The following FSIP1 variants were observed in gnomAD, a reference collection of about 807,000 sequenced individuals.
FSIP1 encodes fibrous sheath interacting protein 1, also known as fibrous sheath-interacting protein 1.
In FSIP1, 65 loss-of-function variants were observed where a neutral mutation model predicts 60.9. That is an observed-to-expected ratio of 1.07 (90% CI 0.87 to 1.31). The LOEUF (loss-of-function observed/expected upper bound fraction) is 1.31, where lower values mean the gene tolerates loss of function less well. FSIP1 is among the 40% of genes most tolerant of loss of function. The probability of loss-of-function intolerance (pLI) is 0.00; values close to 1 mark genes in which losing one functional copy is unlikely to be tolerated. For missense variants in FSIP1, 675 were observed against 665.5 expected, an observed-to-expected ratio of 1.01 and a Z score of -0.16; for synonymous variants, 209 against 221.2, an observed-to-expected ratio of 0.94 and a Z score of 0.49.
At chr15:39,661,851 C>T (rs1893308699) in intron 10 of FSIP1, among the ~76,000 whole-genome samples, 1 of 152,194 alleles carries the variant, frequency 6.6e-6, no homozygotes, top group African/African-American at 2.4e-5. Flanking sequence ...ATGGTTTTAA[C>T]ATTACTTGAG....
At chr15:39,697,331 T>C (rs563504473) in intron 10 of FSIP1, among the ~76,000 whole-genome samples, 1 of 152,294 alleles carries the variant, frequency 6.6e-6, no homozygotes, top group East Asian at 1.9e-4. Context: ...TACTTCCCAG[T>C]GGGAAGCGCC....
At chr15:39,680,178 A>G (rs1894104360) in intron 10 of FSIP1, among the ~76,000 whole-genome samples, 1 of 151,504 alleles carries the variant, frequency 6.6e-6, no homozygotes, top group South Asian at 2.1e-4. Context: ...AATGTAAGAA[A>G]AAAAATTCTA....
In FSIP1 at chr15:39,751,392, A is replaced by T. The variant is rs1168556390; in HGVS notation, c.560-9492T>A. ...CAAACCAAGTGTCCATTGGCAGATG[A>T]ATGGATAAAGCAACTGTAATACATA... On this transcript the variant is annotated intron_variant, in intron 5 of 11. Coordinates refer to ENST00000350221, the MANE Select transcript of FSIP1 (RefSeq NM_152597.5). 6.7e-5 allele frequency among the ~76,000 whole-genome samples: 10 copies of T among 148,438 alleles called. 1 individual carries two copies. The Admixed American group carries it at 6.8e-4, about 10-fold the overall frequency.
At chr15:39,726,305 C>T (rs902356696) in intron 9 of FSIP1, among the ~76,000 whole-genome samples, 2 of 152,108 alleles carry the variant, frequency 1.3e-5, no homozygotes, top group Admixed American at 1.3e-4. Flanking sequence ...TCGTGAGTGC[C>T]ATATCCGCTT....
chr15:39,722,438 A>G (rs1420421231), intron 9 of FSIP1, among the ~76,000 whole-genome samples: 1 of 152,180 alleles, frequency 6.6e-6, no homozygotes, highest in Admixed American at 6.5e-5. Flanking sequence ...GTCTTCCACA[A>G]ACCCAGTCCC....
intron 10 of FSIP1, among the ~76,000 whole-genome samples, chr15:39,693,943 A>C (rs4924380): frequency 0.38 from 58,079 of 150,896 alleles, 11,441 homozygotes; most frequent in Admixed American, 0.46. Context: ...TTCTCATCAC[A>C]AAAAAAAATG....
At chr15:39,772,538 A>T (rs541775732) in intron 2 of FSIP1, among the ~76,000 whole-genome samples, 8 of 150,130 alleles carry the variant, frequency 5.3e-5, no homozygotes, top group Non-Finnish European at 1.2e-4. Context: ...CAAGCAACCC[A>T]CCCTCCTTGG....
rs1403331597 is a variant in FSIP1, at chr15:39,659,626, TTAAA to T, written c.1189-41385_1189-41382del. Among the ~76,000 whole-genome samples, 1,329 of 133,780 alleles carry T rather than the reference TTAAA, an allele frequency of 9.9e-3. 31 individuals carry two copies. Among genetic ancestry groups the T allele is most frequent in the African/African-American group, 0.036 (1,280 of 36,008 alleles). 87.8% of individuals were successfully genotyped at this position (133,780 alleles called of 152,430 possible). ...ATTATATCTCAATAAAGCTGTTATT[TTAAA>T]AAAAAAAAAAAAAAGCAATGGCTTT... is the stretch of plus-strand genomic sequence containing the variant. On this transcript the variant is annotated intron_variant, in intron 10 of 11. Coordinates refer to ENST00000350221, the MANE Select transcript of FSIP1 (RefSeq NM_152597.5).
chr15:39,613,191 C>A (rs1208853306), intron 11 of FSIP1, among the ~76,000 whole-genome samples: 1 of 152,036 alleles, frequency 6.6e-6, no homozygotes, highest in Non-Finnish European at 1.5e-5. Context: ...AAAGCAATAA[C>A]AAATACTTTT....
At chr15:39,642,415 G>C (rs1892409007) in intron 10 of FSIP1, among the ~76,000 whole-genome samples, 1 of 152,158 alleles carries the variant, frequency 6.6e-6, no homozygotes, top group African/African-American at 2.4e-5. Flanking sequence ...TACATGAGTG[G>C]CTGTCTCCAG....
chr15:39,723,148 T>C (rs761759903), intron 9 of FSIP1, among the ~76,000 whole-genome samples: 1 of 152,208 alleles, frequency 6.6e-6, no homozygotes, highest in African/African-American at 2.4e-5. Flanking sequence ...TATTATTTTA[T>C]AAATAAGGAA....
At chr15:39,705,927 G>A (rs1347392392) in intron 10 of FSIP1, among the ~76,000 whole-genome samples, 1 of 150,692 alleles carries the variant, frequency 6.6e-6, no homozygotes, top group Non-Finnish European at 1.5e-5. Flanking sequence ...GAACCTGGGA[G>A]GCAGAGGTTG....
chr15:39,600,217 CTG>C lies in FSIP1; in HGVS notation c.*661_*662del, dbSNP rs1890591353. On this transcript the variant is annotated 3_prime_UTR_variant, in exon 12 of 12. Transcript: ENST00000350221. ...ATCTCTCTTCAAATAGTACCGCAGA[CTG>C]TCTTTTAAAGTAGCTCATCTTTATT... is the stretch of plus-strand genomic sequence containing the variant. 6.6e-6 allele frequency: 1 copy of C among 152,214 alleles called. No individual in the cohort carries two copies. The highest frequency in any genetic ancestry group is 1.5e-5 in the Non-Finnish European group (1 of 68,042). The allele number at this position is 152,214 out of a possible 1,614,324, so 9.4% of individuals were successfully genotyped here. A position where few individuals can be genotyped will look rare whatever the true frequency, so the allele number is the denominator to read the frequency against.
chr15:39,692,444 T>C (rs576031754), intron 10 of FSIP1, among the ~76,000 whole-genome samples: 2 of 152,284 alleles, frequency 1.3e-5, no homozygotes, highest in African/African-American at 2.4e-5. Context: ...AGTTCTGAAA[T>C]ACACTCTGGC....
At position 39,738,111 on chromosome 15, in the gene FSIP1, AATCT is replaced by A; in HGVS notation, c.867_870del (p.Lys289AsnfsTer18). On this transcript the variant is annotated frameshift_variant, in exon 8 of 12. Transcript: ENST00000350221. LOFTEE classifies it high-confidence loss of function. ...CGTACCTCAGAACTGGAGAGCCCGG[AATCT>A]TTCTCATCCAAGTCCTTCAAAAGCT... is the stretch of plus-strand genomic sequence containing the variant. The A allele has an allele frequency of 6.2e-7, 1 of 1,611,484 alleles. No individual in the cohort carries two copies. Among genetic ancestry groups the A allele is most frequent in the Non-Finnish European group, 8.5e-7 (1 of 1,178,066 alleles).
At chr15:39,772,659 C>T (rs754045904) in intron 2 of FSIP1, among the ~76,000 whole-genome samples, 3 of 150,818 alleles carry the variant, frequency 2.0e-5, no homozygotes, top group East Asian at 2.0e-4. Context: ...GGTGCGATAT[C>T]GGCTCACTGC....
intron 10 of FSIP1, among the ~76,000 whole-genome samples, chr15:39,647,367 A>AAT (rs1174906987): frequency 6.6e-6 from 1 of 152,200 alleles, no homozygotes; most frequent in East Asian, 1.9e-4. Flanking sequence ...GTATACTTCA[A>AAT]ATATATATAA....
At chr15:39,620,090 G>A (rs1891387166) in intron 10 of FSIP1, among the ~76,000 whole-genome samples, 1 of 152,104 alleles carries the variant, frequency 6.6e-6, no homozygotes, top group Non-Finnish European at 1.5e-5. Context: ...CAAAAAAAAG[G>A]AAAAGCAGTG....
chr15:39,782,132 C>T (rs1423720800), intron 1 of FSIP1, among the ~76,000 whole-genome samples: 1 of 152,246 alleles, frequency 6.6e-6, no homozygotes, highest in Non-Finnish European at 1.5e-5. Context: ...TACACTACTT[C>T]CCCTACACTG....
Sources: gnomAD v4.1 joint callset for allele counts (sites outside exome capture counted in the v4.1 genomes callset) on GRCh38, gnomAD v4.1.1 for gene constraint, MANE v1.5 for transcripts, NCBI Gene and HGNC (gene_info 2026-07-23, HGNC 2026-07-21) for gene names.